Variants in MAPK8IP3 observed in about 807,000 individuals in gnomAD.
MAPK8IP3 encodes mitogen-activated protein kinase 8 interacting protein 3, also known as C-Jun-amino-terminal kinase-interacting protein 3.
Under a neutral mutation model 157.8 loss-of-function variants are expected in MAPK8IP3, and 49 were observed. The observed-to-expected ratio is 0.31, with a 90% CI of 0.25 to 0.39. MAPK8IP3 has a LOEUF of 0.39. Ranked by LOEUF, MAPK8IP3 falls within the 10% of genes least tolerant of loss-of-function variation. The probability of loss-of-function intolerance (pLI) is 1.00; values close to 1 mark genes in which losing one functional copy is unlikely to be tolerated. For synonymous variants in MAPK8IP3, 897 were observed against 777.7 expected (o/e 1.15, Z -2.55); for missense variants, 1,478 against 1,889.4 (o/e 0.78, Z 4.04).
chr16:1,716,546 C>T (rs915360490), intron 1 of MAPK8IP3, among the ~76,000 whole-genome samples: 18 of 151,986 alleles, frequency 1.2e-4, no homozygotes, highest in African/African-American at 3.9e-4. Flanking sequence ...CCTCCCACCT[C>T]GGCCTCCCAA....
At chr16:1,759,616 C>T (rs534263999) in intron 10 of MAPK8IP3, among the ~76,000 whole-genome samples, 27 of 152,362 alleles carry the variant, frequency 1.8e-4, no homozygotes, top group Non-Finnish European at 2.6e-4. Flanking sequence ...GCTCCAACAT[C>T]ACTCGCCTAG....
chr16:1,745,679 C>G (rs1325996026), intron 5 of MAPK8IP3: 1 of 152,300 alleles, frequency 6.6e-6, no homozygotes, highest in African/African-American at 2.4e-5. Flanking sequence ...GCACCCCCTT[C>G]ATTTGTGACC....
At chr16:1,758,028 A>T in intron 8 of MAPK8IP3, 120 bp from the exon 9 acceptor site, 1 of 1,015,832 alleles carries the variant, frequency 9.8e-7, no homozygotes, top group Non-Finnish European at 1.5e-6. Context: ...GCCCTGCAAC[A>T]TGGGAGCAGC....
At chr16:1,754,720 G>GA (rs934058533) in intron 8 of MAPK8IP3, among the ~76,000 whole-genome samples, 6 of 149,734 alleles carry the variant, frequency 4.0e-5, no homozygotes, top group Admixed American at 1.3e-4. Flanking sequence ...GCAGTGAACT[G>GA]AGATCATGCC....
At chr16:1,735,307 C>T (rs1229073813) in intron 4 of MAPK8IP3, among the ~76,000 whole-genome samples, 9 of 147,940 alleles carry the variant, frequency 6.1e-5, no homozygotes, top group Non-Finnish European at 1.2e-4. Context: ...TGTGACTGTC[C>T]GTGTTTCCGT....
chr16:1,711,078 T>A (rs2037739123), intron 1 of MAPK8IP3, among the ~76,000 whole-genome samples: 1 of 152,270 alleles, frequency 6.6e-6, no homozygotes, highest in South Asian at 2.1e-4. Context: ...GGCCGAGAGC[T>A]GAGAGAAGTC....
chr16:1,770,281 T>A lies in MAPK8IP3; in HGVS notation c.*1457T>A, dbSNP rs2042540705. The A allele has an allele frequency of 4.9e-6, 1 of 202,234 alleles. No homozygotes were observed. The highest frequency in any genetic ancestry group is 9.9e-6 in the Non-Finnish European group (1 of 101,008). The allele number at this position is 202,234 out of a possible 1,614,324, so 12.5% of individuals were successfully genotyped here. A position where few individuals can be genotyped will look rare whatever the true frequency, so the allele number is the denominator to read the frequency against. On this transcript the variant is annotated 3_prime_UTR_variant, in exon 32 of 32. Coordinates refer to ENST00000610761, the MANE Select transcript of MAPK8IP3 (RefSeq NM_001318852.2). ...CTTTGGCCCTGCAAGCAAACCCACA[T>A]ATCTGCTCTGTATGTAATAAATGTC... is the stretch of plus-strand genomic sequence containing the variant.
At chr16:1,728,722 C>G (rs1185079171) in intron 2 of MAPK8IP3, among the ~76,000 whole-genome samples, 1 of 144,414 alleles carries the variant, frequency 6.9e-6, no homozygotes, top group Non-Finnish European at 1.5e-5. Context: ...GCTGAGTGTT[C>G]TCCCCTCGCA....
At position 1,742,664 on chromosome 16, in the gene MAPK8IP3, G is replaced by T. The variant is rs573427062; in HGVS notation, c.603-668G>T. Among the ~76,000 whole-genome samples the T allele has an allele frequency of 6.6e-6, 1 of 152,302 alleles. No individual in the cohort carries two copies. Among genetic ancestry groups the T allele is most frequent in the East Asian group, 1.9e-4 (1 of 5,178 alleles). On this transcript the variant is annotated intron_variant, in intron 4 of 31. Transcript: ENST00000610761. This position sits in a 1 kb window ranked among gnomAD's most constrained non-coding sequence, Gnocchi z 5.0. Reference sequence around the variant, plus strand: ...CCCTCTGCTGGCGCCAGGGGAACAGGCAGGGCTGGCAGTAACACCACAGGG... The same window carrying T: ...CCCTCTGCTGGCGCCAGGGGAACAGTCAGGGCTGGCAGTAACACCACAGGG...
chr16:1,761,830 A>C (rs987766557), intron 13 of MAPK8IP3, among the ~76,000 whole-genome samples: 4 of 152,174 alleles, frequency 2.6e-5, no homozygotes, highest in African/African-American at 7.2e-5. Flanking sequence ...TTCACCATTC[A>C]CCATTCACAC....
rs759386908 is a variant in MAPK8IP3 at position 1,766,590 on chromosome 16, C to G, written c.2881C>G (p.Pro961Ala). 2 of 1,612,408 alleles carry G rather than the reference C, an allele frequency of 1.2e-6. No individual in the cohort carries two copies. The highest frequency in any genetic ancestry group is 3.3e-5 in the Admixed American group (2 of 60,000). The change falls in exon 23 of 32, where the codon CCC (proline) becomes GCC (alanine). Residue 961 changes from proline to alanine, a missense_variant. Around this residue, in one of 11 missense-constraint regions of MAPK8IP3, gnomAD observed 669 missense variants for 759.8 expected, o/e 0.88. Coordinates refer to ENST00000610761, the MANE Select transcript of MAPK8IP3 (RefSeq NM_001318852.2). The part of the protein sequence containing the change: ...TRPEPEPSGD[P>A]TGAGSSAAPT... ...GCCAGAGCCAGAGCCCAGCGGGGAC[C>G]CCACGGGAGCAGGCAGCAGTGCTGC...
intron 4 of MAPK8IP3, among the ~76,000 whole-genome samples, chr16:1,737,318 GTCCGTGTGAGCA>G (rs1175347128): frequency 1.9e-5 from 2 of 102,682 alleles, no homozygotes; most frequent in Admixed American, 9.6e-5. Context: ...CTGTGTGACC[GTCCGTGTGAGCA>G]TCCGTGTGAG....
Position 1,768,166 on chromosome 16 carries a change from C to T in MAPK8IP3, c.3563-33C>T, listed in dbSNP as rs761510410. 6.5e-5 allele frequency: 105 copies of T among 1,611,718 alleles called. 2 individuals are homozygous for T. Among genetic ancestry groups the T allele is most frequent in the South Asian group, 5.1e-4 (46 of 91,052 alleles). ...GCCTCTCCCACTCTCCACCTGTATGCGGGCTCAGCGCCTCTGGGTTCTCTC... is the reference window on the plus strand; with the variant it reads ...GCCTCTCCCACTCTCCACCTGTATGTGGGCTCAGCGCCTCTGGGTTCTCTC... On this transcript the variant is annotated intron_variant, in intron 29 of 31. Coordinates refer to ENST00000610761, the MANE Select transcript of MAPK8IP3 (RefSeq NM_001318852.2).
chr16:1,718,267 C>G (rs1483318515), intron 1 of MAPK8IP3, among the ~76,000 whole-genome samples: 1 of 151,694 alleles, frequency 6.6e-6, no homozygotes, highest in African/African-American at 2.4e-5. Flanking sequence ...TCACTGCAAC[C>G]TCTGCCTCCC....
chr16:1,730,001 G>T (rs2039191252), intron 4 of MAPK8IP3, among the ~76,000 whole-genome samples: 1 of 133,602 alleles, frequency 7.5e-6, no homozygotes, highest in African/African-American at 2.9e-5. Flanking sequence ...TTGAGCCCAG[G>T]AGTTCGAGCT....
At chr16:1,752,915 C>G (rs535294336) in intron 8 of MAPK8IP3, among the ~76,000 whole-genome samples, 2 of 152,306 alleles carry the variant, frequency 1.3e-5, no homozygotes, top group East Asian at 3.9e-4. Flanking sequence ...CCCCTCTGCC[C>G]TAATCAACTC....
rs575491142 is a variant in MAPK8IP3 at position 1,725,495 on chromosome 16, C to T, written c.439+818C>T. Among the ~76,000 whole-genome samples the T allele has an allele frequency of 4.6e-5, 7 of 151,486 alleles. No homozygotes were observed. In the South Asian group the frequency reaches 1.3e-3, roughly 27 times the overall value. ...TATAAAAATTACCCGGGCATGGTGG[C>T]GGGCGCCTGTAGTCCCAGCTACTCG... On this transcript the variant is annotated intron_variant, in intron 2 of 31. Coordinates refer to ENST00000610761, the MANE Select transcript of MAPK8IP3 (RefSeq NM_001318852.2).
At position 1,762,896 on chromosome 16, in the gene MAPK8IP3, G is replaced by T; in HGVS notation, c.1788G>T (p.Ser596=). 1.2e-6 allele frequency: 2 copies of T among 1,613,014 alleles called. No homozygotes were observed. The highest frequency in any genetic ancestry group is 1.7e-6 in the Non-Finnish European group (2 of 1,179,958). The change falls in exon 16 of 32, where the codon TCG becomes TCT. Residue 596 remains serine (S), a synonymous_variant. Transcript: ENST00000610761. ...CTCCGGCCAAGCGCCCCTATCCCTCGGTGAACATCCACTACAAGTCACCCA... is the reference window on the plus strand; with the variant it reads ...CTCCGGCCAAGCGCCCCTATCCCTCTGTGAACATCCACTACAAGTCACCCA... ...SPPPAKRPYP[S]VNIHYKSPTT... is the part of the protein sequence containing the mutation.
At chr16:1,739,184 ATCCGTGTGACCG>A (rs1253533245) in intron 4 of MAPK8IP3, among the ~76,000 whole-genome samples, 12 of 104,360 alleles carry the variant, frequency 1.1e-4, no homozygotes, top group African/African-American at 4.2e-4. Context: ...CCATGTGAGC[ATCCGTGTGACCG>A]TCCGTGTGAG....
Sources: allele counts gnomAD v4.1 joint callset (sites outside exome capture counted in the v4.1 genomes callset), GRCh38; gene constraint gnomAD v4.1.1; regional missense constraint gnomAD v4.1.1; non-coding constraint Gnocchi (gnomAD v3.1); transcripts MANE v1.5; gene names NCBI Gene and HGNC (gene_info 2026-07-23, HGNC 2026-07-21).